Variants in PSTK observed in about 807,000 individuals in gnomAD.
PSTK encodes phosphoseryl-tRNA kinase.
In PSTK, 26 loss-of-function variants were observed where a neutral mutation model predicts 38.6. The observed-to-expected ratio is 0.67, with a 90% CI of 0.49 to 0.94. The LOEUF (loss-of-function observed/expected upper bound fraction) is 0.94. PSTK is among the 40% of genes least tolerant of loss of function. The pLI is 0.00. For synonymous variants in PSTK, 181 were observed against 161.7 expected, an observed-to-expected ratio of 1.12 and a Z score of -0.91; for missense variants, 445 against 436.3, an observed-to-expected ratio of 1.02 and a Z score of -0.18.
At chr10:122,984,023 A>G (rs1192036754) in intron 3 of PSTK, 2 of 152,766 alleles carry the variant, frequency 1.3e-5, no homozygotes, top group Non-Finnish European at 1.5e-5. Flanking sequence ...ACATTTGACT[A>G]TTGAGCCCTT....
At position 122,983,607 on chromosome 10, in the gene PSTK, AG is replaced by A; in HGVS notation, c.707+138del. The A allele has an allele frequency of 5.4e-6, 4 of 746,812 alleles. No homozygotes were observed. In the South Asian group the frequency reaches 7.7e-5, roughly 14 times the overall value. 46.3% of individuals were successfully genotyped at this position (746,812 alleles called of 1,614,324 possible). A position where few individuals can be genotyped will look rare whatever the true frequency, so the allele number is the denominator to read the frequency against. On this transcript the variant is annotated intron_variant, in intron 3 of 5. Transcript: ENST00000406217. ...TTCCCCACTTTGTGTGGAAGCTAAAAGTGAAATGGGAAAATTTAGTTTGTCC... is the reference window on the plus strand; with the variant it reads ...TTCCCCACTTTGTGTGGAAGCTAAAATGAAATGGGAAAATTTAGTTTGTCC...
In PSTK at chr10:122,980,921, C is replaced by T; in HGVS notation, c.216+226C>T. 10 of 519,392 alleles carry T rather than the reference C, an allele frequency of 1.9e-5. No homozygotes were observed. Among genetic ancestry groups the T allele is most frequent in the Non-Finnish European group, 2.2e-5 (9 of 404,436 alleles). The allele number at this position is 519,392 out of a possible 1,614,324, so 32.2% of individuals were successfully genotyped here. On this transcript the variant is annotated intron_variant, in intron 1 of 5. Coordinates refer to ENST00000406217, the MANE Select transcript of PSTK (RefSeq NM_001363531.2). This position sits in a 1 kb window ranked among gnomAD's most constrained non-coding sequence, Gnocchi z 4.3. ...TACAAAGCCAACTGTTAGAACGATG[C>T]ATTTTAGATGCTTATCTGTATATTT...
chr10:122,986,133 A>C, intron 3 of PSTK, 167 bp from the exon 4 acceptor site: 2 of 395,236 alleles, frequency 5.1e-6, no homozygotes, highest in Non-Finnish European at 9.0e-6. Context: ...AGGCAGGAGA[A>C]TGGCGCAAAT....
At chr10:122,987,260 T>C (rs1014639595) in intron 5 of PSTK, 1 of 1,519,534 alleles carries the variant, frequency 6.6e-7, no homozygotes, top group African/African-American at 1.4e-5. Context: ...ATTACATGAG[T>C]ATATGCCCAT....
At chr10:122,989,696 G>T (rs1474723281) in intron 5 of PSTK, among the ~76,000 whole-genome samples, 2 of 152,210 alleles carry the variant, frequency 1.3e-5, no homozygotes, top group Non-Finnish European at 2.9e-5. Flanking sequence ...GAAAAATAAA[G>T]TTCAGCTTCT....
At chr10:122,985,231 C>G (rs1033615197) in intron 3 of PSTK, 11 of 152,384 alleles carry the variant, frequency 7.2e-5, no homozygotes, top group African/African-American at 2.7e-4. Context: ...GCCCTGGGGC[C>G]CTTGTACTTG....
chr10:122,982,869 T>C lies in PSTK; in HGVS notation c.353T>C (p.Leu118Ser), dbSNP rs768607397. The C allele has an allele frequency of 3.7e-5, 59 of 1,614,110 alleles. No individual in the cohort carries two copies. The highest frequency in any genetic ancestry group is 3.6e-5 in the Non-Finnish European group (43 of 1,180,038). The change falls in exon 2 of 6, where the codon TTA (leucine) becomes TCA (serine). Residue 118 changes from leucine (L) to serine (S), a missense_variant. Physicochemically the swap from Leu to Ser is moderately radical, Grantham distance 145. Transcript: ENST00000406217. ...EAMWEDFITC[L>S]KDQDLIFSAA... ...ATGTGGGAAGATTTTATAACCTGCT[T>C]AAAGGATCAAGATCTGATATTTTCT...
At chr10:122,982,157 G>A (rs1379776559) in intron 1 of PSTK, 1 of 152,242 alleles carries the variant, frequency 6.6e-6, no homozygotes, top group Non-Finnish European at 1.5e-5. Context: ...GTTAGCCTGA[G>A]GTCTTTTCTT....
chr10:122,986,301 C>T lies in PSTK; in HGVS notation c.709C>T (p.Leu237=), dbSNP rs771903479. The part of the protein sequence containing the change: ...PSPACASEAS[L]EVTDLLLTAL... ...TATTTTATCCCATTTTCTCTGTAGC[C>T]TGGAAGTGACTGATTTATTGCTCAC... Residue 237 remains leucine (L), a splice_region_variant and synonymous_variant, in exon 4 of 6, where the codon CTG becomes TTG. Coordinates refer to ENST00000406217, the MANE Select transcript of PSTK (RefSeq NM_001363531.2). The T allele has an allele frequency of 6.3e-7, 1 of 1,599,528 alleles. No homozygotes were observed. The highest frequency in any genetic ancestry group is 8.5e-7 in the Non-Finnish European group (1 of 1,170,402).
chr10:122,984,195 G>C (rs749481660), intron 3 of PSTK: 2 of 152,182 alleles, frequency 1.3e-5, no homozygotes, highest in Non-Finnish European at 2.9e-5. Context: ...CGAGGGATCG[G>C]TATCAGCTCA....
At position 122,986,853 on chromosome 10, in the gene PSTK, G is replaced by A. The variant is rs1343415153; in HGVS notation, c.784-16G>A. The A allele has an allele frequency of 1.4e-6, 2 of 1,466,496 alleles. No individual in the cohort carries two copies. The highest frequency in any genetic ancestry group is 1.9e-6 in the Non-Finnish European group (2 of 1,050,004). 90.8% of individuals were successfully genotyped at this position (1,466,496 alleles called of 1,614,324 possible). On this transcript the variant is annotated splice_polypyrimidine_tract_variant and intron_variant, in intron 4 of 5. Transcript: ENST00000406217. ...AAACTATGTGACTTCTAATAACAATGTCTGTATTAACATAGGACACAGACA... is the reference window on the plus strand; with the variant it reads ...AAACTATGTGACTTCTAATAACAATATCTGTATTAACATAGGACACAGACA...
rs377253809 is a variant in PSTK, at chr10:122,983,443, C to T, written c.680C>T (p.Pro227Leu). The T allele has an allele frequency of 2.2e-5, 36 of 1,613,606 alleles. No individual in the cohort carries two copies. In the African/African-American group the frequency reaches 3.9e-4, roughly 17 times the overall value. The change falls in exon 3 of 6, where the codon CCG becomes CTG. Residue 227 changes from proline (P) to leucine (L), a missense_variant. Physicochemically the swap from Pro to Leu is moderately conservative, Grantham distance 98 (BLOSUM62 -3). Coordinates refer to ENST00000406217, the MANE Select transcript of PSTK (RefSeq NM_001363531.2). ...NAWEHNSLTI[P>L]SPACASEASL... ...TGGGAACACAACAGCCTCACAATTCCGAGTCCAGCATGTGCTTCGGAGGCC... is the reference window on the plus strand; with the variant it reads ...TGGGAACACAACAGCCTCACAATTCTGAGTCCAGCATGTGCTTCGGAGGCC...
At chr10:122,990,115 T>C (rs773354870) in intron 5 of PSTK, 59 bp from the exon 6 acceptor site, 11 of 1,141,340 alleles carry the variant, frequency 9.6e-6, no homozygotes, top group Non-Finnish European at 2.5e-6. Flanking sequence ...CTAATGTCAT[T>C]AGACACCCCG....
chr10:122,983,056 A>C, intron 2 of PSTK, 32 bp downstream of exon 2: 1 of 1,563,916 alleles, frequency 6.4e-7, no homozygotes, highest in Non-Finnish European at 8.7e-7. Context: ...TTACACATGG[A>C]GATACTTATT....
At chr10:122,987,497 G>A (rs774803304) in intron 5 of PSTK, 14 of 1,613,718 alleles carry the variant, frequency 8.7e-6, no homozygotes, top group South Asian at 1.1e-5. Flanking sequence ...CATTGAGCAC[G>A]GGGTGAGGTA....
At chr10:122,981,935 G>T (rs1848964003) in intron 1 of PSTK, 1 of 152,188 alleles carries the variant, frequency 6.6e-6, no homozygotes, top group Admixed American at 6.5e-5. Flanking sequence ...TGTGTTTGTT[G>T]TATGTAGTGT....
intron 5 of PSTK, 142 bp downstream of exon 5, chr10:122,987,104 T>G (rs1849045375): frequency 1.1e-6 from 1 of 881,810 alleles, no homozygotes. Context: ...TTTGACTAAA[T>G]GTAACTAAAA....
rs185246093 is a variant in PSTK, at chr10:122,980,847, G to A, written c.216+152G>A. 1 of 1,288,428 alleles carries A rather than the reference G, an allele frequency of 7.8e-7. No individual in the cohort carries two copies. Among genetic ancestry groups the A allele is most frequent in the East Asian group, 3.3e-5 (1 of 30,252 alleles). The allele number at this position is 1,288,428 out of a possible 1,614,324, so 79.8% of individuals were successfully genotyped here. A position where few individuals can be genotyped will look rare whatever the true frequency, so the allele number is the denominator to read the frequency against. ...TGAAGTTCGAGAAAAGTGGAGCTGG[G>A]TTAACATAGTTACTGCAGAGGGTGA... On this transcript the variant is annotated intron_variant, in intron 1 of 5. Transcript: ENST00000406217. This position sits in a 1 kb window ranked among gnomAD's most constrained non-coding sequence, Gnocchi z 4.3.
Position 122,982,841 on chromosome 10 carries a change from G to T in PSTK, c.325G>T (p.Ala109Ser). 1.9e-6 allele frequency: 3 copies of T among 1,614,190 alleles called. No individual in the cohort carries two copies. Among genetic ancestry groups the T allele is most frequent in the Non-Finnish European group, 2.5e-6 (3 of 1,180,012 alleles). The change falls in exon 2 of 6, where the codon GCC (alanine) becomes TCC (serine). Residue 109 changes from alanine to serine, a missense_variant. By Grantham distance (99) the Ala-to-Ser change is moderately conservative. Coordinates refer to ENST00000406217, the MANE Select transcript of PSTK (RefSeq NM_001363531.2). ...GTCTGTCCCACCCAACAGGACTGAA[G>T]CCATGTGGGAAGATTTTATAACCTG... ...QMSVPPNRTEAMWEDFITCLK... is the reference protein window; with the variant it reads ...QMSVPPNRTESMWEDFITCLK...
Sources: allele counts gnomAD v4.1 joint callset (sites outside exome capture counted in the v4.1 genomes callset), GRCh38; gene constraint gnomAD v4.1.1; non-coding constraint Gnocchi (gnomAD v3.1); transcripts MANE v1.5; gene names NCBI Gene and HGNC (gene_info 2026-07-23, HGNC 2026-07-21).